Variants in PMAIP1 observed in about 807,000 individuals in gnomAD.
PMAIP1 encodes the protein phorbol-12-myristate-13-acetate-induced protein 1, also known as PMA-induced protein 1.
In PMAIP1, 3 loss-of-function variants were observed where a neutral mutation model predicts 3.7. The observed-to-expected ratio is 0.82, with a 90% CI of 0.37 to 2.12. The LOEUF (loss-of-function observed/expected upper bound fraction) is 2.12, where lower values mean the gene tolerates loss of function less well. PMAIP1 is among the 30% of genes most tolerant of loss of function. The pLI, the probability that PMAIP1 is intolerant of heterozygous loss-of-function variation, is 0.06. For missense variants in PMAIP1, 77 were observed against 67.1 expected (o/e 1.15, Z -0.52); for synonymous variants, 29 against 26.2 (o/e 1.11, Z -0.32).
At chr18:59,900,779 T>G (rs893399571) in intron 1 of PMAIP1, 5 of 583,194 alleles carry the variant, frequency 8.6e-6, no homozygotes, top group South Asian at 2.3e-5. Flanking sequence ...GTCCGCTCCT[T>G]TTTTTCATTC....
In PMAIP1 at chr18:59,903,165, G is replaced by A. The variant is rs1041618361; in HGVS notation, c.*412G>A. On this transcript the variant is annotated 3_prime_UTR_variant, in exon 2 of 2. Transcript: ENST00000316660. The stretch of plus-strand genomic sequence containing the variant: ...AGTTCAGTGCATTGTTGTTGTTGCT[G>A]TTTTTGGTGTTTTGCTTTTCAGTGC... 3 of 369,024 alleles carry A rather than the reference G, an allele frequency of 8.1e-6. No individual in the cohort carries two copies. The highest frequency in any genetic ancestry group is 6.2e-5 in the African/African-American group (3 of 48,634). The allele number at this position is 369,024 out of a possible 1,614,324, so 22.9% of individuals were successfully genotyped here.
chr18:59,903,159 G>T lies in PMAIP1; in HGVS notation c.*406G>T, dbSNP rs2055785669. ...AGAAACAGTTCAGTGCATTGTTGTT[G>T]TTGCTGTTTTTGGTGTTTTGCTTTT... On this transcript the variant is annotated 3_prime_UTR_variant, in exon 2 of 2. Transcript: ENST00000316660. The T allele has an allele frequency of 1.0e-5, 4 of 388,632 alleles. No homozygotes were observed. In the South Asian group the frequency reaches 1.4e-4, roughly 13 times the overall value. The allele number at this position is 388,632 out of a possible 1,614,324, so 24.1% of individuals were successfully genotyped here.
chr18:59,900,036 G>A lies in PMAIP1; in HGVS notation c.-142G>A. ...CTCACCGTGTGTAGTTGGCATCTCC[G>A]CGCGTCCGGACACCCGATCCCAGCA... On this transcript the variant is annotated 5_prime_UTR_variant, in exon 1 of 2. Transcript: ENST00000316660. 1 of 804,252 alleles carries A rather than the reference G, an allele frequency of 1.2e-6. No homozygotes were observed. Among genetic ancestry groups the A allele is most frequent in the Non-Finnish European group, 1.8e-6 (1 of 542,868 alleles). 49.8% of individuals were successfully genotyped at this position (804,252 alleles called of 1,614,324 possible).
At position 59,902,667 on chromosome 18, in the gene PMAIP1, A is replaced by C; in HGVS notation, c.79A>C (p.Thr27Pro). The C allele has an allele frequency of 6.2e-7, 1 of 1,614,130 alleles. No homozygotes were observed. Among genetic ancestry groups the C allele is most frequent in the Non-Finnish European group, 8.5e-7 (1 of 1,179,980 alleles). The part of the protein sequence containing the change: ...APAELEVECA[T>P]QLRRFGDKLN... The stretch of plus-strand genomic sequence containing the variant: ...CTCAGAGCTGGAAGTCGAGTGTGCT[A>C]CTCAACTCAGGAGATTTGGAGACAA... The change falls in exon 2 of 2, where the codon ACT (threonine) becomes CCT (proline). Residue 27 changes from threonine to proline, a missense_variant. By Grantham distance (38) the Thr-to-Pro change is conservative. Transcript: ENST00000316660.
intron 1 of PMAIP1, among the ~76,000 whole-genome samples, chr18:59,901,164 C>G (rs2055765546): frequency 6.6e-6 from 1 of 152,216 alleles, no homozygotes; most frequent in East Asian, 1.9e-4. Flanking sequence ...ATAGCACTTT[C>G]TGGTCCGACT....
At chr18:59,900,825 C>T (rs1268442188) in intron 1 of PMAIP1, 5 of 458,730 alleles carry the variant, frequency 1.1e-5, no homozygotes, top group Non-Finnish European at 1.9e-5. Flanking sequence ...ACATACAGCT[C>T]CATCGTAAGT....
At chr18:59,900,313 C>A in intron 1 of PMAIP1, 78 bp downstream of exon 1, 1 of 1,512,346 alleles carries the variant, frequency 6.6e-7, no homozygotes. Context: ...CTGGGGCGGG[C>A]TCAGCTCGCC....
chr18:59,900,339 A>T, intron 1 of PMAIP1, 104 bp downstream of exon 1: 1 of 1,521,064 alleles, frequency 6.6e-7, no homozygotes, highest in Admixed American at 2.0e-5. Flanking sequence ...TCAAGCACAG[A>T]CTGCACGGGG....
Position 59,903,842 on chromosome 18 carries a change from A to T in PMAIP1, c.*1089A>T, listed in dbSNP as rs1211031516. On this transcript the variant is annotated 3_prime_UTR_variant, in exon 2 of 2. Coordinates refer to ENST00000316660, the MANE Select transcript of PMAIP1 (RefSeq NM_021127.3). ...CTTACATACTTATATGGGTATCTGT[A>T]TAGATAATTTGTATTAGAGTATTAT... 6.6e-6 allele frequency: 1 copy of T among 152,174 alleles called. No individual in the cohort carries two copies. Among genetic ancestry groups the T allele is most frequent in the Admixed American group, 6.5e-5 (1 of 15,282 alleles). 9.4% of individuals were successfully genotyped at this position (152,174 alleles called of 1,614,324 possible).
At position 59,900,252 on chromosome 18, in the gene PMAIP1, GC is replaced by G; in HGVS notation, c.58+19del. 1 of 1,541,848 alleles carries G rather than the reference GC, an allele frequency of 6.5e-7. No homozygotes were observed. Among genetic ancestry groups the G allele is most frequent in the Non-Finnish European group, 8.7e-7 (1 of 1,145,214 alleles). On this transcript the variant is annotated intron_variant, in intron 1 of 1. Transcript: ENST00000316660. ...CTCCAGCAGGTACCGACCCGCTGGG[GC>G]CAGCGAAGACCCAGGCCGGGCGGGG...
rs1469033403 is a variant in PMAIP1 at position 59,900,161 on chromosome 18, C to A, written c.-17C>A. 1.9e-6 allele frequency: 3 copies of A among 1,555,302 alleles called. No homozygotes were observed. The highest frequency in any genetic ancestry group is 2.3e-5 in the East Asian group (1 of 42,844). On this transcript the variant is annotated 5_prime_UTR_variant, in exon 1 of 2. Coordinates refer to ENST00000316660, the MANE Select transcript of PMAIP1 (RefSeq NM_021127.3). Reference sequence around the variant, plus strand: ...TTCCCGGGCTCTGTAGCTGAGTGGGCGGCGGCACCGGCGGAGATGCCTGGG... The same window carrying A: ...TTCCCGGGCTCTGTAGCTGAGTGGGAGGCGGCACCGGCGGAGATGCCTGGG...
intron 1 of PMAIP1, among the ~76,000 whole-genome samples, chr18:59,902,442 A>G (rs2055778144): frequency 1.3e-5 from 2 of 152,196 alleles, no homozygotes; most frequent in African/African-American, 2.4e-5. Flanking sequence ...CTTTATTCTT[A>G]CCTTAACGAT....
At chr18:59,901,988 G>T (rs1443604212) in intron 1 of PMAIP1, among the ~76,000 whole-genome samples, 5 of 152,122 alleles carry the variant, frequency 3.3e-5, no homozygotes, top group Admixed American at 6.5e-5. Flanking sequence ...AGGAAGAAGT[G>T]GGTTTACATT....
In PMAIP1 at chr18:59,901,404, A is replaced by G. The variant is rs1290873335; in HGVS notation, c.58+1169A>G. ...TATTTGGTTTTTCTTTTAGAACTGT[A>G]TATTAATATATCTCAATCTCTGTAG... On this transcript the variant is annotated intron_variant, in intron 1 of 1. Transcript: ENST00000316660. Among the ~76,000 whole-genome samples, 3 of 152,218 alleles carry G rather than the reference A, an allele frequency of 2.0e-5. No individual in the cohort carries two copies. In the East Asian group the frequency reaches 5.8e-4, roughly 29 times the overall value.
chr18:59,902,937 A>G lies in PMAIP1; in HGVS notation c.*184A>G, dbSNP rs1382571868. On this transcript the variant is annotated 3_prime_UTR_variant, in exon 2 of 2. Transcript: ENST00000316660. ...ATTTCTGTTCAAGTTTTCCCAGATT[A>G]TCATTCTTTGGGATGAGAGAACATT... 1 of 995,726 alleles carries G rather than the reference A, an allele frequency of 1.0e-6. No individual in the cohort carries two copies. Among genetic ancestry groups the G allele is most frequent in the South Asian group, 1.5e-5 (1 of 67,362 alleles). 61.7% of individuals were successfully genotyped at this position (995,726 alleles called of 1,614,324 possible). A position where few individuals can be genotyped will look rare whatever the true frequency, so the allele number is the denominator to read the frequency against.
intron 1 of PMAIP1, chr18:59,900,793 C>G (rs1170693000): frequency 5.4e-6 from 3 of 558,462 alleles, no homozygotes; most frequent in Non-Finnish European, 9.5e-6. Context: ...TTCATTCATT[C>G]ATTCGCACTC....
intron 1 of PMAIP1, among the ~76,000 whole-genome samples, chr18:59,901,284 C>G (rs1294497230): frequency 6.6e-6 from 1 of 152,136 alleles, no homozygotes; most frequent in Non-Finnish European, 1.5e-5. Context: ...AGGAAATGAC[C>G]GGGAAGTATT....
chr18:59,900,183 TG>T lies in PMAIP1; in HGVS notation c.9del (p.Lys4ArgfsTer33), dbSNP rs1341162180. 6.4e-7 allele frequency: 1 copy of T among 1,559,408 alleles called. No homozygotes were observed. The highest frequency in any genetic ancestry group is 1.9e-5 in the Admixed American group (1 of 51,806). Reference protein sequence around the residue: MPGKKARKNAQPS... With the variant: MPXKKARKNAQPS... ...GGGCGGCGGCACCGGCGGAGATGCC[TG>T]GGAAGAAGGCGCGCAAGAACGCTCA... On this transcript the variant is annotated frameshift_variant, in exon 1 of 2. Transcript: ENST00000316660. LOFTEE classifies it high-confidence loss of function.
chr18:59,902,782 C>T lies in PMAIP1; in HGVS notation c.*29C>T, dbSNP rs753039812. 2 of 1,614,072 alleles carry T rather than the reference C, an allele frequency of 1.2e-6. No individual in the cohort carries two copies. Among genetic ancestry groups the T allele is most frequent in the Admixed American group, 1.7e-5 (1 of 60,010 alleles). ...CATCAAAAACTTGCATGAGGGGACT[C>T]CTTCAAAAGAGTTTTCTCAGGAGGT... On this transcript the variant is annotated 3_prime_UTR_variant, in exon 2 of 2. Transcript: ENST00000316660.
Sources: gnomAD v4.1 joint callset for allele counts (sites outside exome capture counted in the v4.1 genomes callset) on GRCh38, gnomAD v4.1.1 for gene constraint, MANE v1.5 for transcripts, NCBI Gene and HGNC (gene_info 2026-07-23, HGNC 2026-07-21) for gene names.